Variants in TAMM41 observed in about 807,000 individuals in gnomAD.
The protein encoded by TAMM41 is TAM41 mitochondrial translocator assembly and maintenance homolog, also known as phosphatidate cytidylyltransferase, mitochondrial.
Under a neutral mutation model 44.1 loss-of-function variants are expected in TAMM41, and 36 were observed. The ratio of observed to expected loss-of-function variants is 0.82; its 90% CI spans 0.63 to 1.08. The LOEUF (loss-of-function observed/expected upper bound fraction) is 1.08, where lower values mean the gene tolerates loss of function less well. Among genes scored for constraint, TAMM41 ranks in the 50% least tolerant of loss-of-function variants. The probability of loss-of-function intolerance (pLI) is 0.00; values close to 1 mark genes in which losing one functional copy is unlikely to be tolerated. For missense variants in TAMM41, 417 were observed against 404.3 expected (o/e 1.03, Z -0.27); for synonymous variants, 164 against 153.1 (o/e 1.07, Z -0.53).
chr3:11,808,696 T>A, intron 6 of TAMM41: 1 of 867,578 alleles, frequency 1.2e-6, no homozygotes, highest in Non-Finnish European at 1.4e-6. Context: ...TAAAGGGAAG[T>A]TAGTCTCTGA....
intron 3 of TAMM41, among the ~76,000 whole-genome samples, chr3:11,833,429 C>T (rs1051412662): frequency 6.6e-6 from 1 of 152,190 alleles, no homozygotes; most frequent in Non-Finnish European, 1.5e-5. Flanking sequence ...ACAAAGACCA[C>T]AGCCCTACCT....
chr3:11,730,713 G>A, the TAMM41 span, among the ~76,000 whole-genome samples: 1 of 152,134 alleles, frequency 6.6e-6, no homozygotes, highest in African/African-American at 2.4e-5. Context: ...CAGCCTGGGC[G>A]ACAGTGTGAG....
At chr3:11,793,492 A>C (rs1460274589) in intron 7 of TAMM41, among the ~76,000 whole-genome samples, 1 of 152,196 alleles carries the variant, frequency 6.6e-6, no homozygotes, top group African/African-American at 2.4e-5. Flanking sequence ...CCCTCAGTAC[A>C]TACCTGACAG....
chr3:11,794,727 T>A (rs1038644934), intron 7 of TAMM41, among the ~76,000 whole-genome samples: 2 of 152,078 alleles, frequency 1.3e-5, no homozygotes, highest in South Asian at 2.1e-4. Flanking sequence ...GACTATGAAC[T>A]CCCCGTGTGA....
In TAMM41 at chr3:11,846,525, C is replaced by A. The variant is rs781661240; in HGVS notation, c.112G>T (p.Ala38Ser). Residue 38 changes from alanine (A) to serine (S), a missense_variant, in exon 1 of 8, where the codon GCA becomes TCA. Transcript: ENST00000455809. ...ACCTTCTGGTCTGAACTCGGCCCTGCCTGGCGGTACACCCCGGAGCCGTAG... is the reference window on the plus strand; with the variant it reads ...ACCTTCTGGTCTGAACTCGGCCCTGACTGGCGGTACACCCCGGAGCCGTAG... ...FVYGSGVYRQ[A>S]GPSSDQKNAM... 3 of 1,614,196 alleles carry A rather than the reference C, an allele frequency of 1.9e-6. No homozygotes were observed. In the Admixed American group the frequency reaches 5.0e-5, roughly 27 times the overall value.
At position 11,814,968 on chromosome 3, in the gene TAMM41, GAGAAAGAAAGAAA is replaced by G. The variant is rs1306239966; in HGVS notation, c.708+2211_708+2223del. ...AACTGAGCAAGGCCCTGTCAAAAAA[GAGAAAGAAAGAAA>G]AGAAAGAAAGAAAGAGCCCACCAAG... On this transcript the variant is annotated intron_variant, in intron 5 of 7. Coordinates refer to ENST00000455809, the MANE Select transcript of TAMM41 (RefSeq NM_001284401.2). Among the ~76,000 whole-genome samples, 7 of 152,012 alleles carry G rather than the reference GAGAAAGAAAGAAA, an allele frequency of 4.6e-5. No homozygotes were observed. The South Asian group carries it at 1.0e-3, about 23-fold the overall frequency.
chr3:11,816,810 A>C (rs538967766), intron 5 of TAMM41, among the ~76,000 whole-genome samples: 4 of 152,242 alleles, frequency 2.6e-5, no homozygotes, highest in South Asian at 2.1e-4. Flanking sequence ...ACCAGACACC[A>C]AACTGTCAGT....
the TAMM41 span, among the ~76,000 whole-genome samples, chr3:11,771,880 G>A: frequency 6.6e-6 from 1 of 152,106 alleles, no homozygotes; most frequent in Non-Finnish European, 1.5e-5. Context: ...ACCACGCCCG[G>A]CCTGTTTATT....
At chr3:11,748,453 T>TG in the TAMM41 span, among the ~76,000 whole-genome samples, 4 of 151,938 alleles carry the variant, frequency 2.6e-5, no homozygotes, top group Non-Finnish European at 5.9e-5. Context: ...GGCTTTTTTT[T>TG]TGTATTTTTA....
At chr3:11,797,256 G>A (rs1575606640) in intron 7 of TAMM41, among the ~76,000 whole-genome samples, 1 of 152,246 alleles carries the variant, frequency 6.6e-6, no homozygotes, top group East Asian at 1.9e-4. Context: ...TAAATACAGG[G>A]CTACAGTAAC....
At chr3:11,831,445 CAAAGT>C (rs2078978897) in intron 3 of TAMM41, among the ~76,000 whole-genome samples, 1 of 152,142 alleles carries the variant, frequency 6.6e-6, no homozygotes, top group South Asian at 2.1e-4. Flanking sequence ...ACTTTCTATA[CAAAGT>C]AAAGGGTCTA....
intron 4 of TAMM41, among the ~76,000 whole-genome samples, chr3:11,822,701 T>C (rs576482615): frequency 2.6e-5 from 4 of 152,248 alleles, no homozygotes; most frequent in Non-Finnish European, 5.9e-5. Context: ...CATCACACTG[T>C]AGCATTTATC....
chr3:11,755,586 C>T, the TAMM41 span, among the ~76,000 whole-genome samples: 5 of 152,106 alleles, frequency 3.3e-5, no homozygotes, highest in African/African-American at 4.8e-5. Flanking sequence ...TGTGTATTGT[C>T]GGGCGGGGAT....
the TAMM41 span, among the ~76,000 whole-genome samples, chr3:11,754,410 A>G: frequency 1.3e-5 from 2 of 152,060 alleles, no homozygotes; most frequent in Non-Finnish European, 2.9e-5. Flanking sequence ...GTCTCGCTCT[A>G]TAACCCAGGC....
At chr3:11,744,144 T>G in the TAMM41 span, among the ~76,000 whole-genome samples, 1 of 151,692 alleles carries the variant, frequency 6.6e-6, no homozygotes, top group African/African-American at 2.4e-5. Context: ...CTCGGCTCAC[T>G]GCAACCTCCG....
intron 7 of TAMM41, among the ~76,000 whole-genome samples, chr3:11,796,219 G>A (rs2077602434): frequency 6.6e-6 from 1 of 152,154 alleles, no homozygotes; most frequent in Non-Finnish European, 1.5e-5. Flanking sequence ...TAGATGCCTG[G>A]CTTCCATCTT....
At chr3:11,731,683 G>A in the TAMM41 span, among the ~76,000 whole-genome samples, 1 of 152,078 alleles carries the variant, frequency 6.6e-6, no homozygotes, top group Admixed American at 6.6e-5. Context: ...GTGGGAGAGA[G>A]GCTTTCCAAA....
At chr3:11,743,134 AC>A in the TAMM41 span, among the ~76,000 whole-genome samples, 3 of 151,890 alleles carry the variant, frequency 2.0e-5, no homozygotes, top group African/African-American at 7.3e-5. Flanking sequence ...GCCACCAAAA[AC>A]TTTTGGGGAT....
At chr3:11,808,157 C>A in intron 6 of TAMM41, 1 of 961,396 alleles carries the variant, frequency 1.0e-6, no homozygotes, top group Non-Finnish European at 1.4e-6. Flanking sequence ...CCCCTTAAAA[C>A]AAGGGGATGG....
Sources: allele counts gnomAD v4.1 joint callset (sites outside exome capture counted in the v4.1 genomes callset), GRCh38; gene constraint gnomAD v4.1.1; transcripts MANE v1.5; gene names NCBI Gene and HGNC (gene_info 2026-07-23, HGNC 2026-07-21).